The following FRAS1 variants were observed in gnomAD, a reference collection of about 807,000 sequenced individuals.
FRAS1 encodes Fraser extracellular matrix complex subunit 1, also known as extracellular matrix organizing protein FRAS1.
FRAS1 carries 290 observed loss-of-function variants against 435.2 expected under a neutral mutation model. That is an observed-to-expected ratio of 0.67 (90% CI 0.61 to 0.73). FRAS1 has a LOEUF of 0.73. Among genes scored for constraint, FRAS1 ranks in the 30% least tolerant of loss-of-function variants. The pLI is 0.00. For missense variants in FRAS1, 4,860 were observed against 5,001.5 expected, an observed-to-expected ratio of 0.97 and a Z score of 0.85; for synonymous variants, 1,800 against 1,851.0, an observed-to-expected ratio of 0.97 and a Z score of 0.71.
At chr4:78,205,703 C>A (rs554562609) in intron 2 of FRAS1, among the ~76,000 whole-genome samples, 1 of 152,290 alleles carries the variant, frequency 6.6e-6, no homozygotes, top group East Asian at 1.9e-4. Context: ...ACCTAAGCTT[C>A]CTTTCTGAGA....
intron 18 of FRAS1, among the ~76,000 whole-genome samples, chr4:78,322,216 G>C (rs1322035394): frequency 6.6e-6 from 1 of 152,126 alleles, no homozygotes; most frequent in Non-Finnish European, 1.5e-5. Flanking sequence ...AAACCTTTCT[G>C]CCTTCCCATA....
chr4:78,106,113 G>A lies in FRAS1; in HGVS notation c.108+40097G>A, dbSNP rs1319782965. ...GAGGGTCCTATGCCCACGGAATCTC[G>A]CTGATTGCTAGCACAGCAGTCTGAG... On this transcript the variant is annotated intron_variant, in intron 2 of 73. Transcript: ENST00000512123. 1.3e-4 allele frequency among the ~76,000 whole-genome samples: 15 copies of A among 115,206 alleles called. 1 individual carries two copies. The highest frequency in any genetic ancestry group is 2.8e-4 in the South Asian group (1 of 3,602). 75.6% of individuals were successfully genotyped at this position (115,206 alleles called of 152,430 possible).
intron 6 of FRAS1, among the ~76,000 whole-genome samples, chr4:78,259,466 A>C (rs1725968654): frequency 1.3e-5 from 2 of 150,728 alleles, no homozygotes; most frequent in African/African-American, 4.9e-5. Context: ...AGTGATGGTG[A>C]GCATTTTTTC....
chr4:78,273,200 A>T (rs1231975778), intron 9 of FRAS1, among the ~76,000 whole-genome samples: 3 of 152,312 alleles, frequency 2.0e-5, no homozygotes, highest in South Asian at 2.1e-4. Flanking sequence ...TTATGAGCTT[A>T]AGGAGATTTT....
At chr4:78,501,015 A>G (rs2867449) in intron 61 of FRAS1, among the ~76,000 whole-genome samples, 49,808 of 151,744 alleles carry the variant, frequency 0.33, 8,872 homozygotes, top group South Asian at 0.52. Context: ...TGTGCGCAAC[A>G]TGCAGGTTTG....
At chr4:78,369,119 A>C (rs1731394494) in intron 22 of FRAS1, among the ~76,000 whole-genome samples, 1 of 152,196 alleles carries the variant, frequency 6.6e-6, no homozygotes, top group Admixed American at 6.5e-5. Context: ...GATATGGAAA[A>C]AAGCAAAAAG....
chr4:78,124,607 C>CT (rs987395907), intron 2 of FRAS1, among the ~76,000 whole-genome samples: 1 of 151,806 alleles, frequency 6.6e-6, no homozygotes, highest in Non-Finnish European at 1.5e-5. Flanking sequence ...TGGTCCTGGA[C>CT]TTTTTTTTGG....
At chr4:78,429,046 C>CTGTGTGTG (rs3086823) in intron 35 of FRAS1, 49 bp from the exon 36 acceptor site, 206,579 of 1,386,532 alleles carry the variant, frequency 0.15, 6,735 homozygotes, top group East Asian at 0.19. Flanking sequence ...GTGCGTGTCT[C>CTGTGTGTG]TGTGTGTGTG....
At chr4:78,273,858 T>A (rs1214115135) in intron 9 of FRAS1, among the ~76,000 whole-genome samples, 1 of 152,232 alleles carries the variant, frequency 6.6e-6, no homozygotes, top group African/African-American at 2.4e-5. Flanking sequence ...TCCCTCTTTT[T>A]CTATTGAATG....
intron 2 of FRAS1, among the ~76,000 whole-genome samples, chr4:78,117,344 C>A (rs537775338): frequency 1.3e-5 from 2 of 152,058 alleles, no homozygotes; most frequent in African/African-American, 2.4e-5. Flanking sequence ...ATCTTTGTGG[C>A]GTTCTCTATA....
intron 51 of FRAS1, among the ~76,000 whole-genome samples, chr4:78,470,924 C>T (rs958981174): frequency 2.6e-5 from 4 of 152,158 alleles, no homozygotes; most frequent in Non-Finnish European, 4.4e-5. Context: ...ATAAATTGTT[C>T]ATATGGCCCA....
At chr4:78,117,704 A>C (rs1194854709) in intron 2 of FRAS1, among the ~76,000 whole-genome samples, 1 of 152,072 alleles carries the variant, frequency 6.6e-6, no homozygotes, top group Non-Finnish European at 1.5e-5. Flanking sequence ...ATTTCTCTGC[A>C]TTGGTTATTC....
rs778038555 is a variant in FRAS1, at chr4:78,337,698, G to A, written c.2303G>A (p.Cys768Tyr). 1.6e-5 allele frequency: 26 copies of A among 1,613,742 alleles called. No homozygotes were observed. Among genetic ancestry groups the A allele is most frequent in the Non-Finnish European group, 7.6e-6 (9 of 1,179,782 alleles). ...CTECHPTCRQ[C>Y]HGPLESDCIS... The stretch of plus-strand genomic sequence containing the variant: ...GAGTGTCACCCAACCTGCAGGCAGT[G>A]TCATGGGCCGTTGGAGTCTGACTGC... Residue 768 changes from cysteine to tyrosine, a missense_variant, in exon 20 of 74, where the codon TGT (cysteine) becomes TAT (tyrosine). Cys to Tyr is a radical substitution (Grantham distance 194, BLOSUM62 -2). Coordinates refer to ENST00000512123, the MANE Select transcript of FRAS1 (RefSeq NM_025074.7).
chr4:78,256,325 C>G (rs1455223696), intron 6 of FRAS1, among the ~76,000 whole-genome samples: 4 of 152,200 alleles, frequency 2.6e-5, no homozygotes, highest in Non-Finnish European at 5.9e-5. Flanking sequence ...AAAGCCATAT[C>G]CTTGCTTTAA....
In FRAS1 at chr4:78,259,355, C is replaced by T. The variant is rs1228966527; in HGVS notation, c.603+3980C>T. Among the ~76,000 whole-genome samples, 3 of 132,852 alleles carry T rather than the reference C, an allele frequency of 2.3e-5. No individual in the cohort carries two copies. In the East Asian group the frequency reaches 6.4e-4, roughly 28 times the overall value. The allele number at this position is 132,852 out of a possible 152,430, so 87.2% of individuals were successfully genotyped here. A position where few individuals can be genotyped will look rare whatever the true frequency, so the allele number is the denominator to read the frequency against. Reference sequence around the variant, plus strand: ...AAAAGTGTTCCTATTTCTCCACCTCCTCTCCAGCACCTGTTGTTTCCTGAC... The same window carrying T: ...AAAAGTGTTCCTATTTCTCCACCTCTTCTCCAGCACCTGTTGTTTCCTGAC... On this transcript the variant is annotated intron_variant, in intron 6 of 73. Coordinates refer to ENST00000512123, the MANE Select transcript of FRAS1 (RefSeq NM_025074.7).
chr4:78,422,377 G>T (rs956085885), intron 34 of FRAS1, among the ~76,000 whole-genome samples: 1 of 152,012 alleles, frequency 6.6e-6, no homozygotes, highest in South Asian at 2.1e-4. Context: ...ATTGCAGTCT[G>T]GGATAAGAGC....
intron 4 of FRAS1, among the ~76,000 whole-genome samples, chr4:78,245,927 T>G (rs896266123): frequency 2.0e-5 from 3 of 152,160 alleles, no homozygotes; most frequent in African/African-American, 7.2e-5. Flanking sequence ...GTAGCATCCC[T>G]CAGTCATGTC....
intron 63 of FRAS1, among the ~76,000 whole-genome samples, chr4:78,510,367 T>C (rs1030316829): frequency 6.6e-6 from 1 of 152,236 alleles, no homozygotes; most frequent in Non-Finnish European, 1.5e-5. Flanking sequence ...ATATGCATTC[T>C]TGTAGGATGC....
chr4:78,499,773 C>A lies in FRAS1; in HGVS notation c.9168C>A (p.Gly3056=). 1 of 1,613,934 alleles carries A rather than the reference C, an allele frequency of 6.2e-7. No homozygotes were observed. Among genetic ancestry groups the A allele is most frequent in the Non-Finnish European group, 8.5e-7 (1 of 1,179,840 alleles). ...CATACCAAGTCCGGGAACCCGCAGGCCCAGATGCCATTGCGATTCTGAACA... is the reference window on the plus strand; with the variant it reads ...CATACCAAGTCCGGGAACCCGCAGGACCAGATGCCATTGCGATTCTGAACA... ...EAAYQVREPA[G]PDAIAILNIK... Residue 3056 remains glycine (G), a synonymous_variant, in exon 61 of 74, where the codon GGC becomes GGA. Coordinates refer to ENST00000512123, the MANE Select transcript of FRAS1 (RefSeq NM_025074.7).
Sources: allele counts gnomAD v4.1 joint callset (sites outside exome capture counted in the v4.1 genomes callset), GRCh38; gene constraint gnomAD v4.1.1; transcripts MANE v1.5; gene names NCBI Gene and HGNC (gene_info 2026-07-23, HGNC 2026-07-21).